Variants in NOX4 observed in about 807,000 individuals in gnomAD.
NOX4 encodes kidney oxidase-1.
NOX4 carries 69 observed loss-of-function variants against 87.6 expected under a neutral mutation model. That is an observed-to-expected ratio of 0.79 (90% CI 0.65 to 0.96). The LOEUF (loss-of-function observed/expected upper bound fraction) is 0.96, where lower values mean the gene tolerates loss of function less well. Ranked by LOEUF, NOX4 falls within the 40% of genes least tolerant of loss-of-function variation. NOX4 has a pLI of 0.00. For synonymous variants in NOX4, 275 were observed against 238.2 expected (o/e 1.15, Z -1.42); for missense variants, 680 against 681.5 (o/e 1.00, Z 0.02).
chr11:89,351,435 G>A (rs1373198206), intron 13 of NOX4, among the ~76,000 whole-genome samples: 2 of 152,178 alleles, frequency 1.3e-5, no homozygotes, highest in Non-Finnish European at 2.9e-5. Flanking sequence ...AATAGATGAA[G>A]GTGACTACAC....
At chr11:89,358,321 G>A (rs938668420) in intron 12 of NOX4, among the ~76,000 whole-genome samples, 50 of 147,100 alleles carry the variant, frequency 3.4e-4, no homozygotes, top group African/African-American at 1.2e-3. Context: ...AGGAGGCAGA[G>A]GTTGCAGTGA....
chr11:89,521,656 G>C, the NOX4 span, among the ~76,000 whole-genome samples: 1 of 151,944 alleles, frequency 6.6e-6, no homozygotes, highest in South Asian at 2.1e-4. Context: ...AAAAGCAATT[G>C]CTACAAAAAC....
chr11:89,417,188 C>T (rs1942829892), intron 8 of NOX4, among the ~76,000 whole-genome samples: 1 of 152,106 alleles, frequency 6.6e-6, no homozygotes, highest in Non-Finnish European at 1.5e-5. Flanking sequence ...CACATTTCTT[C>T]GAAAGGAGCT....
chr11:89,520,208 T>TA, the NOX4 span, among the ~76,000 whole-genome samples: 21 of 151,540 alleles, frequency 1.4e-4, no homozygotes, highest in East Asian at 2.9e-3. Flanking sequence ...CTGAAGAGGC[T>TA]AAAAAAAAGG....
chr11:89,581,107 G>T, the NOX4 span, among the ~76,000 whole-genome samples: 5 of 152,192 alleles, frequency 3.3e-5, no homozygotes, highest in Non-Finnish European at 7.4e-5. Context: ...TAGATCACAA[G>T]AATCTGAGTA....
chr11:89,450,729 T>A, intron 3 of NOX4, among the ~76,000 whole-genome samples: 1 of 103,680 alleles, frequency 9.6e-6, no homozygotes. Context: ...CCCCTCCCCC[T>A]GACATCACTA....
At chr11:89,493,367 C>A (rs1055640730), upstream of NOX4, among the ~76,000 whole-genome samples, 6 of 148,846 alleles carry the variant, frequency 4.0e-5, no homozygotes, top group Non-Finnish European at 5.9e-5. Flanking sequence ...CCAGCCTGTG[C>A]GACAGAGCAA....
intron 12 of NOX4, among the ~76,000 whole-genome samples, chr11:89,364,020 T>C (rs1298477496): frequency 2.0e-5 from 3 of 151,960 alleles, no homozygotes; most frequent in African/African-American, 7.2e-5. Context: ...TCCCAATATT[T>C]GAAAGCTTGA....
chr11:89,395,661 A>T (rs1004928538), intron 11 of NOX4, among the ~76,000 whole-genome samples: 3 of 152,298 alleles, frequency 2.0e-5, no homozygotes, highest in East Asian at 3.9e-4. Flanking sequence ...TCTTCAATAC[A>T]TCTTGAATTA....
intron 11 of NOX4, among the ~76,000 whole-genome samples, chr11:89,373,879 T>TGACTAG (rs1333621503): frequency 6.6e-6 from 1 of 152,000 alleles, no homozygotes; most frequent in Non-Finnish European, 1.5e-5. Flanking sequence ...CCCTAGATAA[T>TGACTAG]ATATACTTAC....
chr11:89,426,791 G>T (rs1046431646), intron 7 of NOX4, among the ~76,000 whole-genome samples: 1 of 152,082 alleles, frequency 6.6e-6, no homozygotes, highest in African/African-American at 2.4e-5. Flanking sequence ...ACTCCACCTC[G>T]GGGGGCAGGG....
At chr11:89,370,561 A>G (rs1341268262) in intron 12 of NOX4, among the ~76,000 whole-genome samples, 2 of 152,044 alleles carry the variant, frequency 1.3e-5, no homozygotes, top group Non-Finnish European at 2.9e-5. Context: ...ATCTCTGACC[A>G]TATGTTTGAA....
intron 8 of NOX4, among the ~76,000 whole-genome samples, 169 bp from the exon 9 acceptor site, chr11:89,402,711 T>TA (rs1201997664): frequency 1.2e-4 from 18 of 152,172 alleles, no homozygotes; most frequent in Non-Finnish European, 2.1e-4. Flanking sequence ...TGAAAAATCT[T>TA]AAAAAATTTT....
At chr11:89,445,087 C>T (rs1453516727) in intron 4 of NOX4, among the ~76,000 whole-genome samples, 1 of 152,036 alleles carries the variant, frequency 6.6e-6, no homozygotes, top group Non-Finnish European at 1.5e-5. Context: ...ACAGGTAACT[C>T]GCTGGAAAAT....
chr11:89,457,885 C>T (rs1156305155), intron 2 of NOX4, among the ~76,000 whole-genome samples: 1 of 151,906 alleles, frequency 6.6e-6, no homozygotes, highest in Admixed American at 6.6e-5. Context: ...AATTACAAAA[C>T]ACTGCTGAAA....
intron 13 of NOX4, among the ~76,000 whole-genome samples, chr11:89,351,880 G>A (rs1946470862): frequency 6.6e-6 from 1 of 152,070 alleles, no homozygotes; most frequent in African/African-American, 2.4e-5. Context: ...TGGATGACTG[G>A]ATAAAGAAAA....
intron 2 of NOX4, chr11:89,488,936 G>A (rs750163966): frequency 5.2e-5 from 36 of 689,022 alleles, no homozygotes; most frequent in Non-Finnish European, 4.0e-5. Context: ...CTTGAGGGGC[G>A]AGGTGAGGTC....
the NOX4 span, among the ~76,000 whole-genome samples, chr11:89,533,060 G>T: frequency 6.6e-6 from 1 of 152,082 alleles, no homozygotes; most frequent in Non-Finnish European, 1.5e-5. Flanking sequence ...ATGTGAAAAT[G>T]AACTAATACA....
chr11:89,506,061 TAAAC>T, the NOX4 span, among the ~76,000 whole-genome samples: 39 of 151,766 alleles, frequency 2.6e-4, no homozygotes, highest in African/African-American at 9.4e-4. Context: ...TAAGTATAGA[TAAAC>T]AAACCAATGA....
Sources: gnomAD v4.1 joint callset for allele counts (sites outside exome capture counted in the v4.1 genomes callset) on GRCh38, gnomAD v4.1.1 for gene constraint, MANE v1.5 for transcripts, NCBI Gene and HGNC (gene_info 2026-07-23, HGNC 2026-07-21) for gene names.